GLRA3: variants seen among roughly 807,000 people sequenced by gnomAD.
GLRA3 encodes glycine receptor alpha 3, also known as glycine receptor subunit alpha-3.
A neutral mutation model predicts 60.4 loss-of-function variants in GLRA3; 44 were observed. The observed-to-expected ratio is 0.73, with a 90% confidence interval of 0.57 to 0.94. The LOEUF is 0.94. Ranked by LOEUF, GLRA3 falls within the 40% of genes least tolerant of loss-of-function variation. GLRA3 has a pLI of 0.00. For missense variants in GLRA3, 508 were observed against 564.6 expected (o/e 0.90, Z 1.02); for synonymous variants, 223 against 192.9 (o/e 1.16, Z -1.29).
At chr4:174,806,947 A>G (rs1278539820) in intron 1 of GLRA3, among the ~76,000 whole-genome samples, 1 of 152,096 alleles carries the variant, frequency 6.6e-6, no homozygotes, top group Non-Finnish European at 1.5e-5. Context: ...ACTAAGGAAT[A>G]TACCTTCTGT....
chr4:174,827,987 A>T (rs553385416), intron 1 of GLRA3, among the ~76,000 whole-genome samples: 1 of 152,110 alleles, frequency 6.6e-6, no homozygotes, highest in Non-Finnish European at 1.5e-5. Context: ...TTATTTTTAC[A>T]CATTCATTAA....
At chr4:174,743,042 G>A (rs1737088224) in intron 3 of GLRA3, among the ~76,000 whole-genome samples, 2 of 152,122 alleles carry the variant, frequency 1.3e-5, no homozygotes, top group Admixed American at 6.5e-5. Context: ...ATTTCAAAAG[G>A]AAATTCAGAA....
Position 174,775,176 on chromosome 4 carries a change from G to T in GLRA3, c.200-8146C>A, listed in dbSNP as rs186331013. 3.1e-3 allele frequency among the ~76,000 whole-genome samples: 473 copies of T among 152,086 alleles called. 4 individuals carry two copies. The highest frequency in any genetic ancestry group is 0.011 in the African/African-American group (438 of 41,500). Reference sequence around the variant, plus strand: ...TCTTGTTAAAGTGACCTCGTACTAAGTAAAAATGCAAACAGAAATGTACCA... The same window carrying T: ...TCTTGTTAAAGTGACCTCGTACTAATTAAAAATGCAAACAGAAATGTACCA... On this transcript the variant is annotated intron_variant, in intron 2 of 9. Transcript: ENST00000274093.
chr4:174,813,070 TAA>T (rs1740334247), intron 1 of GLRA3, among the ~76,000 whole-genome samples: 1 of 152,124 alleles, frequency 6.6e-6, no homozygotes. Context: ...TTCAGAAATA[TAA>T]GTGAAAAATA....
chr4:174,784,493 C>CAAT (rs1739039746), intron 2 of GLRA3, among the ~76,000 whole-genome samples: 1 of 90,812 alleles, frequency 1.1e-5, no homozygotes, highest in Non-Finnish European at 2.5e-5. Context: ...AAAAAAAAAC[C>CAAT]AAAAACACAA....
At chr4:174,700,252 T>C (rs1429490255) in intron 5 of GLRA3, among the ~76,000 whole-genome samples, 2 of 152,196 alleles carry the variant, frequency 1.3e-5, no homozygotes, top group Non-Finnish European at 2.9e-5. Flanking sequence ...TTGTAGATAT[T>C]GAATATTTTA....
At chr4:174,727,818 T>G (rs17060810) in intron 4 of GLRA3, among the ~76,000 whole-genome samples, 25,694 of 152,072 alleles carry the variant, frequency 0.17, 2,864 homozygotes, top group East Asian at 0.45. Flanking sequence ...TGCTATACAC[T>G]TTTCTGATAA....
chr4:174,772,976 T>G (rs1738451417), intron 2 of GLRA3, among the ~76,000 whole-genome samples: 1 of 152,168 alleles, frequency 6.6e-6, no homozygotes. Context: ...CACATGAGAT[T>G]AGTGCAGCAA....
intron 1 of GLRA3, among the ~76,000 whole-genome samples, chr4:174,798,907 G>A (rs1020241135): frequency 7.9e-5 from 12 of 151,898 alleles, no homozygotes; most frequent in Admixed American, 6.5e-4. Flanking sequence ...GGCGACAGAG[G>A]GAGACTCTGC....
chr4:174,672,487 A>G lies in GLRA3; in HGVS notation c.927+4591T>C, dbSNP rs150515663. Among the ~76,000 whole-genome samples the G allele has an allele frequency of 1.7e-3, 259 of 152,200 alleles. 1 individual carries two copies. Among genetic ancestry groups the G allele is most frequent in the African/African-American group, 6.0e-3 (248 of 41,534 alleles). On this transcript the variant is annotated intron_variant, in intron 7 of 9. Transcript: ENST00000274093. ...TGTATAATTTGTGGAATGAGAACAG[A>G]AGTGACTGTGTGCCAATTCTGAGCA...
In GLRA3 at chr4:174,638,186, G is replaced by A. The variant is rs1732544094; in HGVS notation, c.*5600C>T. Reference sequence around the variant, plus strand: ...CCCTCAGAGTAATGAGCTACCTGTTGCTATCTGGGTGCTCGAAGAATGTGG... The same window carrying A: ...CCCTCAGAGTAATGAGCTACCTGTTACTATCTGGGTGCTCGAAGAATGTGG... On this transcript the variant is annotated 3_prime_UTR_variant, in exon 10 of 10. Coordinates refer to ENST00000274093, the MANE Select transcript of GLRA3 (RefSeq NM_006529.4). 1 of 152,150 alleles carries A rather than the reference G, an allele frequency of 6.6e-6. No homozygotes were observed. The allele number at this position is 152,150 out of a possible 1,614,324, so 9.4% of individuals were successfully genotyped here.
rs919999052 is a variant in GLRA3 at position 174,638,095 on chromosome 4, G to C, written c.*5691C>G. The C allele has an allele frequency of 1.3e-5, 2 of 151,616 alleles. No individual in the cohort carries two copies. The highest frequency in any genetic ancestry group is 2.4e-5 in the African/African-American group (1 of 40,966). The allele number at this position is 151,616 out of a possible 1,614,324, so 9.4% of individuals were successfully genotyped here. A position where few individuals can be genotyped will look rare whatever the true frequency, so the allele number is the denominator to read the frequency against. Reference sequence around the variant, plus strand: ...TTACTTGGTATTTTAGGAAGTAAAAGTCATTTCTTGATGAAGATTAACATT... The same window carrying C: ...TTACTTGGTATTTTAGGAAGTAAAACTCATTTCTTGATGAAGATTAACATT... On this transcript the variant is annotated 3_prime_UTR_variant, in exon 10 of 10. Transcript: ENST00000274093.
intron 1 of GLRA3, among the ~76,000 whole-genome samples, chr4:174,790,223 T>C (rs1739271808): frequency 6.6e-6 from 1 of 152,184 alleles, no homozygotes. Flanking sequence ...CATTCTGTCA[T>C]TCTCGCTTTC....
intron 7 of GLRA3, among the ~76,000 whole-genome samples, chr4:174,670,879 G>T (rs1438500776): frequency 6.6e-6 from 1 of 151,774 alleles, no homozygotes; most frequent in African/African-American, 2.4e-5. Context: ...CCATTTTTAG[G>T]ACTTTTTTAT....
chr4:174,688,167 A>C (rs1322273390), intron 5 of GLRA3, among the ~76,000 whole-genome samples: 1 of 151,622 alleles, frequency 6.6e-6, no homozygotes. Context: ...GTCACTGACA[A>C]GTAGCTATGC....
chr4:174,790,145 T>C (rs1191558298), intron 1 of GLRA3, among the ~76,000 whole-genome samples: 1 of 152,192 alleles, frequency 6.6e-6, no homozygotes, highest in African/African-American at 2.4e-5. Context: ...ATCTATTAGC[T>C]GTTGCCCTGT....
intron 9 of GLRA3, among the ~76,000 whole-genome samples, chr4:174,645,970 C>T (rs1732798462): frequency 6.6e-6 from 1 of 152,056 alleles, no homozygotes; most frequent in African/African-American, 2.4e-5. Context: ...TGTAGGTTAC[C>T]CAGGTAATTT....
intron 3 of GLRA3, among the ~76,000 whole-genome samples, chr4:174,744,192 G>A (rs1381778363): frequency 2.0e-5 from 3 of 152,242 alleles, no homozygotes; most frequent in Non-Finnish European, 2.9e-5. Flanking sequence ...ACCACCGTGC[G>A]GTGCTTGGGA....
intron 6 of GLRA3, among the ~76,000 whole-genome samples, chr4:174,678,263 G>A (rs548266654): frequency 1.5e-4 from 23 of 152,110 alleles, no homozygotes; most frequent in South Asian, 2.1e-4. Context: ...ACATTAAGTC[G>A]ATATTTTTTG....
Sources: allele counts gnomAD v4.1 joint callset (sites outside exome capture counted in the v4.1 genomes callset), GRCh38; gene constraint gnomAD v4.1.1; transcripts MANE v1.5; gene names NCBI Gene and HGNC (gene_info 2026-07-23, HGNC 2026-07-21).